The following FSD2 variants were observed in gnomAD, a reference collection of about 807,000 sequenced individuals.
The protein encoded by FSD2 is fibronectin type III and SPRY domain-containing protein 2.
In FSD2, 71 loss-of-function variants were observed where a neutral mutation model predicts 80.4. That is an observed-to-expected ratio of 0.88 (90% CI 0.73 to 1.08). The LOEUF is 1.08. FSD2 is among the 50% of genes least tolerant of loss of function. FSD2 has a pLI of 0.00. For missense variants in FSD2, 923 were observed against 913.8 expected, an observed-to-expected ratio of 1.01 and a Z score of -0.13; for synonymous variants, 361 against 329.5, an observed-to-expected ratio of 1.10 and a Z score of -1.03.
At chr15:82,793,325 GTT>G (rs540563518) in intron 1 of FSD2, among the ~76,000 whole-genome samples, 13 of 143,906 alleles carry the variant, frequency 9.0e-5, no homozygotes, top group Non-Finnish European at 9.2e-5. Context: ...GGTTTTTTGT[GTT>G]TTTTTTTTTC....
intron 1 of FSD2, among the ~76,000 whole-genome samples, chr15:82,793,937 A>G (rs1160592914): frequency 1.3e-5 from 2 of 151,856 alleles, no homozygotes; most frequent in African/African-American, 4.8e-5. Flanking sequence ...TGATTACTTC[A>G]AATAATCTGC....
intron 1 of FSD2, among the ~76,000 whole-genome samples, chr15:82,795,544 A>G (rs1007608092): frequency 1.3e-5 from 2 of 152,214 alleles, no homozygotes; most frequent in African/African-American, 4.8e-5. Flanking sequence ...CTAAAGGAGT[A>G]TTAGGCCAGG....
At chr15:82,788,212 C>T (rs1037701045) in intron 1 of FSD2, among the ~76,000 whole-genome samples, 3 of 151,924 alleles carry the variant, frequency 2.0e-5, no homozygotes, top group African/African-American at 7.3e-5. Flanking sequence ...AGTAACAGAA[C>T]AGGCCTGGCG....
intron 5 of FSD2, 97 bp from the exon 6 acceptor site, chr15:82,778,984 C>A: frequency 7.2e-7 from 1 of 1,381,240 alleles, no homozygotes. Context: ...AAGAGGGGCT[C>A]TTTGCTGAAC....
rs766222857 is a variant in FSD2 at position 82,778,864 on chromosome 15, T to C, written c.1013A>G (p.Lys338Arg). The change falls in exon 6 of 13, where the codon AAA becomes AGA. Residue 338 changes from lysine (K) to arginine (R), a missense_variant. Coordinates refer to ENST00000334574, the MANE Select transcript of FSD2 (RefSeq NM_001007122.4). ...ADRLGKFLKT[K>R]TDVEISAQPE... ...CTGTGCAGAGATTTCCACGTCTGTT[T>C]TTGTTTTCAGGAATTTCCCGAGTCT... 1 of 1,613,854 alleles carries C rather than the reference T, an allele frequency of 6.2e-7. No homozygotes were observed. The highest frequency in any genetic ancestry group is 1.1e-5 in the South Asian group (1 of 91,076).
At chr15:82,782,101 TAATAAA>T (rs1461894692) in intron 4 of FSD2, among the ~76,000 whole-genome samples, 82 of 119,748 alleles carry the variant, frequency 6.8e-4, no homozygotes, top group African/African-American at 2.7e-3. Flanking sequence ...ATAATAATAA[TAATAAA>T]ACTCTTGGCC....
intron 3 of FSD2, among the ~76,000 whole-genome samples, chr15:82,784,209 G>T (rs1046492106): frequency 1.4e-4 from 22 of 151,926 alleles, no homozygotes; most frequent in Non-Finnish European, 2.8e-4. Flanking sequence ...GAGTAAGCTG[G>T]CAGAGCAGCA....
At chr15:82,786,094 T>C (rs373845411) in intron 3 of FSD2, among the ~76,000 whole-genome samples, 4 of 151,788 alleles carry the variant, frequency 2.6e-5, no homozygotes, top group South Asian at 4.2e-4. Context: ...CGAATAAGGG[T>C]CTAAATCACA....
intron 6 of FSD2, among the ~76,000 whole-genome samples, chr15:82,775,284 G>C (rs1211451136): frequency 6.6e-6 from 1 of 151,774 alleles, no homozygotes; most frequent in Non-Finnish European, 1.5e-5. Flanking sequence ...TGTAATCCCA[G>C]CTACTCGGGA....
At chr15:82,805,610 C>T (rs1459320657) in intron 1 of FSD2, among the ~76,000 whole-genome samples, 1 of 152,184 alleles carries the variant, frequency 6.6e-6, no homozygotes, top group Non-Finnish European at 1.5e-5. Flanking sequence ...ATTTACAACA[C>T]AATAGTATAG....
rs777365077 is a variant in FSD2 at position 82,772,083 on chromosome 15, C to T, written c.1257G>A (p.Thr419=). ...CTGGCAGAGCCTCACCTGCTTGGTC[C>T]GTCCCAGGTGAGCTGTCCTGCACTG... The part of the protein sequence containing the change: ...YRPVQDSSPG[T]DQAEFTVTVK... The change falls in exon 7 of 13, where the codon ACG becomes ACA. Residue 419 remains threonine, a synonymous_variant. Transcript: ENST00000334574. 9 of 1,568,824 alleles carry T rather than the reference C, an allele frequency of 5.7e-6. No individual in the cohort carries two copies. Among genetic ancestry groups the T allele is most frequent in the African/African-American group, 4.1e-5 (3 of 72,764 alleles).
chr15:82,772,929 C>G (rs887039582), intron 6 of FSD2, among the ~76,000 whole-genome samples: 1 of 152,194 alleles, frequency 6.6e-6, no homozygotes, highest in African/African-American at 2.4e-5. Context: ...CTCACTGCAG[C>G]CTCCACATCC....
rs1254969694 is a variant in FSD2 at position 82,786,865 on chromosome 15, C to G, written c.526G>C (p.Ala176Pro). The change falls in exon 2 of 13, where the codon GCT becomes CCT. Residue 176 changes from alanine (A) to proline (P), a missense_variant. Physicochemically the swap from Ala to Pro is conservative, Grantham distance 27 (BLOSUM62 -1). Transcript: ENST00000334574. ...TTACAAGTGACACAGAAGACATCAG[C>G]AGCTTCTTCTTCATCCTCTTCCTCG... is the stretch of plus-strand genomic sequence containing the variant. ...IPEEEDEEEA[A>P]DVFCVTCKTP... The G allele has an allele frequency of 1.9e-6, 3 of 1,614,020 alleles. No individual in the cohort carries two copies. Among genetic ancestry groups the G allele is most frequent in the African/African-American group, 1.3e-5 (1 of 75,052 alleles).
intron 6 of FSD2, among the ~76,000 whole-genome samples, chr15:82,775,646 T>C (rs1331742895): frequency 6.6e-6 from 1 of 152,188 alleles, no homozygotes; most frequent in Non-Finnish European, 1.5e-5. Context: ...TTATAATGTT[T>C]GCTCTAATCT....
chr15:82,777,663 T>C (rs1380962112), intron 6 of FSD2, among the ~76,000 whole-genome samples: 3 of 152,076 alleles, frequency 2.0e-5, no homozygotes, highest in African/African-American at 7.2e-5. Flanking sequence ...CTGGCCAACA[T>C]GGTGAAACCC....
rs2049903083 is a variant in FSD2, at chr15:82,782,897, T to C, written c.864A>G (p.Leu288=). The C allele has an allele frequency of 1.9e-6, 3 of 1,613,982 alleles. No homozygotes were observed. Among genetic ancestry groups the C allele is most frequent in the African/African-American group, 1.3e-5 (1 of 75,044 alleles). ...GEKKKEKLEA[L]YGQLVSCGEN... The stretch of plus-strand genomic sequence containing the variant: ...CTCCACAGCTGACCAGTTGTCCATA[T>C]AAGGCTTCCAGCTTCTCTTTCTTTT... The change falls in exon 4 of 13, where the codon TTA becomes TTG. Residue 288 remains leucine, a synonymous_variant. Transcript: ENST00000334574.
chr15:82,776,375 G>C (rs2049713315), intron 6 of FSD2, among the ~76,000 whole-genome samples: 1 of 152,174 alleles, frequency 6.6e-6, no homozygotes, highest in Non-Finnish European at 1.5e-5. Flanking sequence ...CGTAACATGT[G>C]ATCTAGCCTG....
At chr15:82,762,014 C>A (rs976402425) in intron 12 of FSD2, 88 bp downstream of exon 12, 2 of 1,106,678 alleles carry the variant, frequency 1.8e-6, no homozygotes, top group Non-Finnish European at 2.5e-6. Context: ...TAAAATATAA[C>A]GTGTGTCTTA....
chr15:82,775,807 G>T (rs1413400488), intron 6 of FSD2, among the ~76,000 whole-genome samples: 3 of 152,130 alleles, frequency 2.0e-5, no homozygotes, highest in African/African-American at 7.2e-5. Context: ...CCCTTTTGCT[G>T]CATCCCATAA....
Sources: gnomAD v4.1 joint callset for allele counts (sites outside exome capture counted in the v4.1 genomes callset) on GRCh38, gnomAD v4.1.1 for gene constraint, MANE v1.5 for transcripts, NCBI Gene and HGNC (gene_info 2026-07-23, HGNC 2026-07-21) for gene names.